The following NDUFAF2 variants were observed in gnomAD, a reference collection of about 807,000 sequenced individuals.
The protein encoded by NDUFAF2 is NADH dehydrogenase [ubiquinone] 1 alpha subcomplex assembly factor 2.
Under a neutral mutation model 22.8 loss-of-function variants are expected in NDUFAF2, and 13 were observed. The observed-to-expected ratio is 0.57, with a 90% confidence interval of 0.37 to 0.91. NDUFAF2 has a LOEUF of 0.91. Among genes scored for constraint, NDUFAF2 ranks in the 40% least tolerant of loss-of-function variants. The pLI is 0.01. For missense variants in NDUFAF2, 162 were observed against 195.2 expected (o/e 0.83, Z 1.01); for synonymous variants, 53 against 64.2 (o/e 0.83, Z 0.84).
intron 1 of NDUFAF2, among the ~76,000 whole-genome samples, chr5:60,990,969 T>C (rs1580083518): frequency 6.6e-6 from 1 of 152,182 alleles, no homozygotes; most frequent in East Asian, 1.9e-4. Context: ...GAACTCAGGC[T>C]GTATTTTCCT....
At chr5:61,076,241 TG>T (rs371497654) in intron 2 of NDUFAF2, among the ~76,000 whole-genome samples, 3,696 of 152,026 alleles carry the variant, frequency 0.024, 64 homozygotes, top group Non-Finnish European at 0.038. Context: ...CGGCTAATTT[TG>T]TTTTTGTATT....
At chr5:61,131,607 G>A (rs768552946) in intron 3 of NDUFAF2, among the ~76,000 whole-genome samples, 5 of 151,822 alleles carry the variant, frequency 3.3e-5, no homozygotes, top group Non-Finnish European at 7.4e-5. Context: ...GGGATTGAAC[G>A]AATAAATTAC....
intron 3 of NDUFAF2, among the ~76,000 whole-genome samples, chr5:61,113,877 T>A (rs1752875691): frequency 2.0e-5 from 3 of 152,146 alleles, no homozygotes; most frequent in Admixed American, 1.3e-4. Context: ...GCACATAAGA[T>A]TTCCACTGAA....
intron 1 of NDUFAF2, among the ~76,000 whole-genome samples, chr5:60,978,401 C>T (rs1379674065): frequency 6.6e-6 from 1 of 152,138 alleles, no homozygotes; most frequent in African/African-American, 2.4e-5. Context: ...GTTCTGCAGG[C>T]TGTACAGGAA....
chr5:60,995,518 C>A (rs532793489), intron 1 of NDUFAF2, among the ~76,000 whole-genome samples: 5 of 152,174 alleles, frequency 3.3e-5, no homozygotes, highest in Non-Finnish European at 5.9e-5. Context: ...TCTCTTTCTC[C>A]CAAACATACA....
intron 3 of NDUFAF2, among the ~76,000 whole-genome samples, chr5:61,144,936 G>T (rs1459949212): frequency 6.6e-6 from 1 of 152,118 alleles, no homozygotes; most frequent in Non-Finnish European, 1.5e-5. Flanking sequence ...AGCAGTAAGT[G>T]TATATTAAAG....
chr5:61,105,409 A>G (rs1182529027), intron 3 of NDUFAF2, among the ~76,000 whole-genome samples: 2 of 151,270 alleles, frequency 1.3e-5, no homozygotes, highest in African/African-American at 2.5e-5. Context: ...CTTAAATTGC[A>G]AAGAGTGTAT....
At chr5:60,950,909 A>T (rs1278868914) in intron 1 of NDUFAF2, among the ~76,000 whole-genome samples, 1 of 152,126 alleles carries the variant, frequency 6.6e-6, no homozygotes, top group Admixed American at 6.5e-5. Flanking sequence ...TGCCTTTTCC[A>T]GAATGTCATG....
intron 1 of NDUFAF2, among the ~76,000 whole-genome samples, chr5:60,957,336 T>C (rs1047859353): frequency 6.6e-6 from 1 of 152,128 alleles, no homozygotes; most frequent in Non-Finnish European, 1.5e-5. Context: ...AACATTTCAG[T>C]ATGTATCTTT....
Position 61,070,398 on chromosome 5 carries a change from G to C in NDUFAF2, c.128-2727G>C, listed in dbSNP as rs72759224. Among the ~76,000 whole-genome samples, 468 of 152,066 alleles carry C rather than the reference G, an allele frequency of 3.1e-3. 4 individuals are homozygous for C. Among genetic ancestry groups the C allele is most frequent in the Non-Finnish European group, 2.4e-3 (165 of 67,954 alleles). Reference sequence around the variant, plus strand: ...GTATTTATTCCAAAAAAAGGGAGTAGTTTTACAGTGATTTATTGAGGAGAT... The same window carrying C: ...GTATTTATTCCAAAAAAAGGGAGTACTTTTACAGTGATTTATTGAGGAGAT... On this transcript the variant is annotated intron_variant, in intron 1 of 3. Transcript: ENST00000296597.
chr5:61,060,538 A>T (rs1173651068), intron 1 of NDUFAF2, among the ~76,000 whole-genome samples: 1 of 152,150 alleles, frequency 6.6e-6, no homozygotes, highest in East Asian at 1.9e-4. Context: ...AAAAGGAGAG[A>T]CATCAGTCAG....
intron 1 of NDUFAF2, among the ~76,000 whole-genome samples, chr5:61,046,169 T>C (rs12518404): frequency 0.4 from 61,177 of 151,768 alleles, 13,265 homozygotes; most frequent in East Asian, 0.8. Context: ...AAATCTCAAC[T>C]TGATCATGTG....
intron 1 of NDUFAF2, among the ~76,000 whole-genome samples, chr5:61,011,319 T>C (rs867959012): frequency 1.3e-5 from 2 of 152,246 alleles, no homozygotes; most frequent in Middle Eastern, 3.4e-3. Flanking sequence ...CATGGACATA[T>C]GATCTAGACT....
chr5:60,960,810 G>T (rs1484741982), intron 1 of NDUFAF2, among the ~76,000 whole-genome samples: 1 of 152,008 alleles, frequency 6.6e-6, no homozygotes, highest in African/African-American at 2.4e-5. Context: ...TAGGTGACTG[G>T]TGCCTCCATC....
At chr5:61,027,287 G>A (rs1301061658) in intron 1 of NDUFAF2, among the ~76,000 whole-genome samples, 1 of 148,356 alleles carries the variant, frequency 6.7e-6, no homozygotes, top group Non-Finnish European at 1.5e-5. Flanking sequence ...TGCTTAAAAG[G>A]TACACGTGGA....
chr5:60,946,339 G>A (rs959220524), intron 1 of NDUFAF2, among the ~76,000 whole-genome samples: 8 of 152,128 alleles, frequency 5.3e-5, no homozygotes, highest in African/African-American at 1.7e-4. Context: ...CAGCAATGTT[G>A]AGAAGCACTA....
At chr5:61,083,125 A>C (rs1268288216) in intron 2 of NDUFAF2, 1 of 152,042 alleles carries the variant, frequency 6.6e-6, no homozygotes, top group Non-Finnish European at 1.5e-5. Flanking sequence ...TCAGATGATT[A>C]GTCATATTGA....
intron 1 of NDUFAF2, among the ~76,000 whole-genome samples, chr5:60,979,322 T>C (rs962134748): frequency 6.6e-6 from 1 of 152,114 alleles, no homozygotes; most frequent in Non-Finnish European, 1.5e-5. Context: ...GTGTAACAGC[T>C]CAGCCACAGC....
In NDUFAF2 at chr5:60,945,232, A is replaced by C; in HGVS notation, c.-24A>C. The C allele has an allele frequency of 6.2e-7, 1 of 1,611,064 alleles. No homozygotes were observed. The highest frequency in any genetic ancestry group is 8.5e-7 in the Non-Finnish European group (1 of 1,179,282). ...CCCTACTGCGGGTCCCGCTGCTGGCAGCGCTGGAAACTGGGTGGACGGCAT... is the reference window on the plus strand; with the variant it reads ...CCCTACTGCGGGTCCCGCTGCTGGCCGCGCTGGAAACTGGGTGGACGGCAT... On this transcript the variant is annotated 5_prime_UTR_variant, in exon 1 of 4. Coordinates refer to ENST00000296597, the MANE Select transcript of NDUFAF2 (RefSeq NM_174889.5).
Sources: allele counts gnomAD v4.1 joint callset (sites outside exome capture counted in the v4.1 genomes callset), GRCh38; gene constraint gnomAD v4.1.1; transcripts MANE v1.5; gene names NCBI Gene and HGNC (gene_info 2026-07-23, HGNC 2026-07-21).